Variants in STPG2 observed in about 807,000 individuals in gnomAD.
STPG2 encodes the protein sperm tail PG-rich repeat containing 2, also known as sperm-tail PG-rich repeat-containing protein 2.
A neutral mutation model predicts 54.2 loss-of-function variants in STPG2; 56 were observed. That is an observed-to-expected ratio of 1.03 (90% CI 0.83 to 1.29). STPG2 has a LOEUF of 1.29. Ranked by LOEUF, STPG2 falls within the 50% of genes most tolerant of loss-of-function variation. The probability of loss-of-function intolerance (pLI) is 0.00; values close to 1 mark genes in which losing one functional copy is unlikely to be tolerated. For missense variants in STPG2, 596 were observed against 544.9 expected, an observed-to-expected ratio of 1.09 and a Z score of -0.93; for synonymous variants, 200 against 181.8, an observed-to-expected ratio of 1.10 and a Z score of -0.81.
In STPG2 at chr4:97,840,846, T is replaced by C. The variant is rs767547480; in HGVS notation, c.1131A>G (p.Leu377=). 1 of 1,612,228 alleles carries C rather than the reference T, an allele frequency of 6.2e-7. No individual in the cohort carries two copies. Among genetic ancestry groups the C allele is most frequent in the Non-Finnish European group, 8.5e-7 (1 of 1,178,696 alleles). ...VKHKYMPPRS[L]VAKRKHASFL... Reference sequence around the variant, plus strand: ...AAGAGGCATGTTTTCTTTTAGCCACTAAACTACGAGGTGGCATATATTTAT... The same window carrying C: ...AAGAGGCATGTTTTCTTTTAGCCACCAAACTACGAGGTGGCATATATTTAT... The change falls in exon 9 of 11, where the codon TTA becomes TTG. Residue 377 remains leucine, a synonymous_variant. Transcript: ENST00000295268.
chr4:97,961,435 G>C (rs773745199), intron 7 of STPG2, among the ~76,000 whole-genome samples: 3 of 152,158 alleles, frequency 2.0e-5, no homozygotes, highest in Non-Finnish European at 2.9e-5. Context: ...CATAGAGTGG[G>C]AGAAAATCAT....
intron 5 of STPG2, among the ~76,000 whole-genome samples, chr4:98,075,196 A>G (rs1738124240): frequency 6.6e-6 from 1 of 152,162 alleles, no homozygotes; most frequent in Admixed American, 6.5e-5. Flanking sequence ...CCATGAGACC[A>G]CCAAATCTAG....
chr4:98,065,463 T>A (rs1737806337), intron 5 of STPG2, among the ~76,000 whole-genome samples: 1 of 152,206 alleles, frequency 6.6e-6, no homozygotes, highest in Admixed American at 6.5e-5. Context: ...TCTTCCACAA[T>A]AGCCCTGCCC....
chr4:97,919,762 A>T (rs1181490480), intron 8 of STPG2, among the ~76,000 whole-genome samples: 1 of 152,176 alleles, frequency 6.6e-6, no homozygotes, highest in Non-Finnish European at 1.5e-5. Context: ...CTTGGAAAAA[A>T]CCTAGTAAAA....
chr4:97,802,645 A>AT (rs1553914872), intron 9 of STPG2, among the ~76,000 whole-genome samples: 3 of 151,854 alleles, frequency 2.0e-5, no homozygotes, highest in African/African-American at 7.3e-5. Context: ...TAGTTTTTGT[A>AT]TTTTTAGTAG....
intron 8 of STPG2, among the ~76,000 whole-genome samples, chr4:97,879,287 A>G (rs1019255176): frequency 2.6e-5 from 4 of 152,204 alleles, no homozygotes; most frequent in African/African-American, 7.2e-5. Flanking sequence ...ATTTTCAGGT[A>G]TCTTTATAGC....
At chr4:97,656,519 A>G (rs1345638734) in intron 10 of STPG2, among the ~76,000 whole-genome samples, 1 of 152,018 alleles carries the variant, frequency 6.6e-6, no homozygotes, top group African/African-American at 2.4e-5. Context: ...GTTGCTCAAT[A>G]TCACTGAGCA....
intron 4 of STPG2, among the ~76,000 whole-genome samples, chr4:97,512,921 T>C (rs1400186455): frequency 6.6e-6 from 1 of 152,026 alleles, no homozygotes; most frequent in East Asian, 1.9e-4. Context: ...GTCTTCTAGT[T>C]CAATTCAATT....
chr4:97,716,077 A>G (rs571408628), intron 9 of STPG2, among the ~76,000 whole-genome samples: 23 of 152,312 alleles, frequency 1.5e-4, no homozygotes, highest in African/African-American at 5.1e-4. Flanking sequence ...GTGGCCAACA[A>G]ACATATGAAA....
At chr4:98,014,313 G>T (rs768315909) in intron 5 of STPG2, among the ~76,000 whole-genome samples, 3 of 152,038 alleles carry the variant, frequency 2.0e-5, no homozygotes, top group Non-Finnish European at 2.9e-5. Flanking sequence ...GTTCTAATTT[G>T]ACTACACTGT....
At chr4:97,641,308 G>T (rs928463153) in intron 10 of STPG2, among the ~76,000 whole-genome samples, 2 of 150,878 alleles carry the variant, frequency 1.3e-5, no homozygotes, top group East Asian at 3.9e-4. Flanking sequence ...ACACAAATAG[G>T]CCATATTTAT....
intron 9 of STPG2, among the ~76,000 whole-genome samples, chr4:97,783,504 G>A (rs2149074149): frequency 6.6e-6 from 1 of 152,280 alleles, no homozygotes; most frequent in East Asian, 1.9e-4. Context: ...AACCATTGTG[G>A]AAGACAGTGT....
At chr4:97,782,280 C>A (rs1017928589) in intron 9 of STPG2, among the ~76,000 whole-genome samples, 1 of 152,130 alleles carries the variant, frequency 6.6e-6, no homozygotes, top group Non-Finnish European at 1.5e-5. Context: ...CATTCTTATA[C>A]ACCAATAACA....
intron 9 of STPG2, among the ~76,000 whole-genome samples, chr4:97,740,185 A>G (rs1236884610): frequency 1.3e-5 from 2 of 152,204 alleles, no homozygotes; most frequent in East Asian, 1.9e-4. Context: ...AAAAACTCTC[A>G]ATAAATTAGG....
At chr4:98,137,920 T>C (rs909284361) in intron 1 of STPG2, among the ~76,000 whole-genome samples, 1 of 151,908 alleles carries the variant, frequency 6.6e-6, no homozygotes, top group Non-Finnish European at 1.5e-5. Flanking sequence ...ACGAGAAATA[T>C]TGAGCACAAG....
rs1038583334 is a variant in STPG2, at chr4:97,493,531, GA to G, written c.462+219167del. ...ATTGCCTGCAACAGATAAAATTATA[GA>G]AAAAAAAAGGGATATACAAGTTATC... On this transcript the variant is annotated intron_variant, in intron 4 of 4. Coordinates refer to the STPG2 transcript ENST00000522676. 2.4e-4 allele frequency among the ~76,000 whole-genome samples: 36 copies of G among 148,816 alleles called. No homozygotes were observed. The South Asian group carries it at 6.1e-3, about 25-fold the overall frequency.
intron 5 of STPG2, among the ~76,000 whole-genome samples, chr4:98,071,862 A>G (rs550017847): frequency 6.6e-6 from 1 of 152,348 alleles, no homozygotes; most frequent in African/African-American, 2.4e-5. Flanking sequence ...GTGAGATACT[A>G]TCTCATGCCA....
intron 9 of STPG2, among the ~76,000 whole-genome samples, chr4:97,717,021 T>C (rs1724311313): frequency 1.3e-5 from 2 of 152,266 alleles, no homozygotes; most frequent in East Asian, 1.9e-4. Flanking sequence ...AATGAAGTAA[T>C]AGCAAAGAGA....
At position 98,132,211 on chromosome 4, in the gene STPG2, T is replaced by C. The variant is rs142556423; in HGVS notation, c.222+2136A>G. ...TTTGTAAAATTTCCCTTACTTTTTA[T>C]TCACCACAGATGTTGAAAGTGACTA... On this transcript the variant is annotated intron_variant, in intron 2 of 10. Transcript: ENST00000295268. Among the ~76,000 whole-genome samples, 774 of 152,158 alleles carry C rather than the reference T, an allele frequency of 5.1e-3. 9 individuals are homozygous for C. The highest frequency in any genetic ancestry group is 0.018 in the African/African-American group (727 of 41,532).
Sources: gnomAD v4.1 joint callset for allele counts (sites outside exome capture counted in the v4.1 genomes callset) on GRCh38, gnomAD v4.1.1 for gene constraint, MANE v1.5 for transcripts, NCBI Gene and HGNC (gene_info 2026-07-23, HGNC 2026-07-21) for gene names.